The following PPARGC1A variants were observed in gnomAD, a reference collection of about 807,000 sequenced individuals.
The protein encoded by PPARGC1A is peroxisome proliferator-activated receptor gamma coactivator 1-alpha.
In PPARGC1A, 25 loss-of-function variants were observed where a neutral mutation model predicts 88.7. That is an observed-to-expected ratio of 0.28 (90% CI 0.21 to 0.39). PPARGC1A has a LOEUF of 0.39. PPARGC1A is among the 10% of genes least tolerant of loss of function. The pLI, the probability that PPARGC1A is intolerant of heterozygous loss-of-function variation, is 1.00. For missense variants in PPARGC1A, 880 were observed against 968.7 expected (o/e 0.91, Z 1.22); for synonymous variants, 363 against 355.6 (o/e 1.02, Z -0.24).
At chr4:23,859,241 C>T (rs1041554235) in intron 2 of PPARGC1A, among the ~76,000 whole-genome samples, 2 of 151,978 alleles carry the variant, frequency 1.3e-5, no homozygotes, top group Non-Finnish European at 2.9e-5. Context: ...AATGTCAGTC[C>T]CAAGTTAGGC....
the PPARGC1A span, among the ~76,000 whole-genome samples, chr4:24,093,020 C>A: frequency 6.6e-6 from 1 of 152,186 alleles, no homozygotes; most frequent in Non-Finnish European, 1.5e-5. Flanking sequence ...ATAAGAGCAA[C>A]TAACAGTTAC....
At chr4:24,445,048 G>A in the PPARGC1A span, among the ~76,000 whole-genome samples, 1 of 151,618 alleles carries the variant, frequency 6.6e-6, no homozygotes, top group African/African-American at 2.4e-5. Flanking sequence ...GCAAGACCCT[G>A]TCTCAAAAAA....
the PPARGC1A span, among the ~76,000 whole-genome samples, chr4:24,191,019 T>C: frequency 6.6e-6 from 1 of 152,178 alleles, no homozygotes; most frequent in Non-Finnish European, 1.5e-5. Flanking sequence ...ATAAAAGGAC[T>C]ACACAGCTGC....
chr4:24,435,297 A>G, the PPARGC1A span, among the ~76,000 whole-genome samples: 17 of 152,332 alleles, frequency 1.1e-4, no homozygotes, highest in South Asian at 3.5e-3. Context: ...TAATGGCACA[A>G]TGACATCATA....
At chr4:24,266,843 T>C in the PPARGC1A span, among the ~76,000 whole-genome samples, 3 of 152,126 alleles carry the variant, frequency 2.0e-5, no homozygotes, top group Non-Finnish European at 4.4e-5. Flanking sequence ...AACACTAAAT[T>C]GAAAAGCACA....
the PPARGC1A span, among the ~76,000 whole-genome samples, chr4:24,046,658 T>C: frequency 6.6e-6 from 1 of 152,322 alleles, no homozygotes; most frequent in Middle Eastern, 3.4e-3. Context: ...TCATCAAAAC[T>C]CATTTCTTCT....
the PPARGC1A span, among the ~76,000 whole-genome samples, chr4:24,233,892 C>T: frequency 2.7e-4 from 41 of 152,292 alleles, no homozygotes; most frequent in African/African-American, 9.6e-4. Flanking sequence ...TTATAAAAGA[C>T]TAAGTCCTGA....
chr4:23,846,317 G>A (rs1728315976), intron 2 of PPARGC1A, among the ~76,000 whole-genome samples: 1 of 152,126 alleles, frequency 6.6e-6, no homozygotes, highest in Admixed American at 6.5e-5. Flanking sequence ...GACATCCAAA[G>A]GGTTAAACAA....
chr4:24,213,370 G>T, the PPARGC1A span, among the ~76,000 whole-genome samples: 1 of 151,986 alleles, frequency 6.6e-6, no homozygotes, highest in Non-Finnish European at 1.5e-5. Context: ...GTTTCACTGT[G>T]TTAGCCAGAA....
the PPARGC1A span, among the ~76,000 whole-genome samples, chr4:24,008,257 C>T: frequency 6.6e-6 from 1 of 152,044 alleles, no homozygotes; most frequent in Non-Finnish European, 1.5e-5. Context: ...CTGAAGATCT[C>T]GCAACCAACT....
the PPARGC1A span, among the ~76,000 whole-genome samples, chr4:24,472,182 G>A: frequency 6.6e-6 from 1 of 152,186 alleles, no homozygotes; most frequent in Non-Finnish European, 1.5e-5. This position sits in a 1 kb window ranked among gnomAD's most constrained non-coding sequence, Gnocchi z 4.5. Flanking sequence ...AGAACCTGGA[G>A]ACTGGAAAGC....
the PPARGC1A span, among the ~76,000 whole-genome samples, chr4:24,390,070 T>A: frequency 3.7e-5 from 5 of 135,742 alleles, no homozygotes; most frequent in Non-Finnish European, 6.2e-5. Flanking sequence ...AAGTAACTTA[T>A]TTTTTTTTCA....
chr4:23,909,029 A>G (rs1577721920), upstream of PPARGC1A, among the ~76,000 whole-genome samples: 1 of 152,208 alleles, frequency 6.6e-6, no homozygotes, highest in Non-Finnish European at 1.5e-5. Flanking sequence ...CATGTAATCA[A>G]TCAAAATATC....
At chr4:24,466,257 G>A in the PPARGC1A span, among the ~76,000 whole-genome samples, 2 of 152,230 alleles carry the variant, frequency 1.3e-5, no homozygotes, top group African/African-American at 4.8e-5. Flanking sequence ...ATAAAAGAAA[G>A]TGGGTAAACT....
chr4:23,844,806 AT>A (rs1309589284), intron 2 of PPARGC1A, among the ~76,000 whole-genome samples: 2 of 127,474 alleles, frequency 1.6e-5, no homozygotes, highest in Non-Finnish European at 3.2e-5. Context: ...GATATATATT[AT>A]TATAATATAT....
At chr4:24,283,034 C>A in the PPARGC1A span, among the ~76,000 whole-genome samples, 2 of 152,256 alleles carry the variant, frequency 1.3e-5, no homozygotes, top group African/African-American at 2.4e-5. Flanking sequence ...GTGCTCCTTA[C>A]AAACCAACTC....
At chr4:24,172,295 C>G in the PPARGC1A span, among the ~76,000 whole-genome samples, 1 of 152,282 alleles carries the variant, frequency 6.6e-6, no homozygotes, top group Non-Finnish European at 1.5e-5. Flanking sequence ...ATGCCTGAAC[C>G]TCCACCCCAC....
chr4:24,142,901 G>A, the PPARGC1A span, among the ~76,000 whole-genome samples: 1 of 151,024 alleles, frequency 6.6e-6, no homozygotes, highest in Non-Finnish European at 1.5e-5. Context: ...TTTAGGCCCT[G>A]AGCCTGGCGC....
the PPARGC1A span, among the ~76,000 whole-genome samples, chr4:24,026,852 G>A: frequency 3.4e-4 from 52 of 152,262 alleles, no homozygotes; most frequent in African/African-American, 1.2e-3. Flanking sequence ...AAGAGAACTC[G>A]CGCTGCAGGA....
Sources: gnomAD v4.1 joint callset for allele counts (sites outside exome capture counted in the v4.1 genomes callset) on GRCh38, gnomAD v4.1.1 for gene constraint, Gnocchi (gnomAD v3.1) non-coding constraint, MANE v1.5 for transcripts, NCBI Gene and HGNC (gene_info 2026-07-23, HGNC 2026-07-21) for gene names.